The following NTN1 variants were observed in gnomAD, a reference collection of about 807,000 sequenced individuals.
NTN1 encodes the protein netrin-1.
NTN1 carries 11 observed loss-of-function variants against 54.2 expected under a neutral mutation model. That is an observed-to-expected ratio of 0.20 (90% CI 0.13 to 0.34). The LOEUF is 0.34. NTN1 is among the 10% of genes least tolerant of loss of function. The pLI, the probability that NTN1 is intolerant of heterozygous loss-of-function variation, is 1.00. For missense variants in NTN1, 740 were observed against 893.1 expected (o/e 0.83, Z 2.18); for synonymous variants, 371 against 382.0 (o/e 0.97, Z 0.33).
intron 2 of NTN1, among the ~76,000 whole-genome samples, chr17:9,063,094 A>C (rs1597474474): frequency 6.8e-6 from 1 of 147,690 alleles, no homozygotes; most frequent in South Asian, 2.1e-4. Context: ...AGGTATTATC[A>C]TTAATGACTT....
intron 2 of NTN1, among the ~76,000 whole-genome samples, chr17:9,104,695 T>G (rs1489943922): frequency 6.6e-6 from 1 of 152,234 alleles, no homozygotes; most frequent in Non-Finnish European, 1.5e-5. Context: ...CAAAGCTGAA[T>G]GTCCAACACC....
At chr17:9,008,315 GTTTA>G in the NTN1 span, among the ~76,000 whole-genome samples, 2 of 151,670 alleles carry the variant, frequency 1.3e-5, no homozygotes, top group Non-Finnish European at 2.9e-5. Context: ...TAATTAATTA[GTTTA>G]TTTATTTATT....
At chr17:9,089,860 G>T (rs894636621) in intron 2 of NTN1, among the ~76,000 whole-genome samples, 1 of 152,254 alleles carries the variant, frequency 6.6e-6, no homozygotes, top group East Asian at 1.9e-4. Flanking sequence ...AGTTTCTGGC[G>T]GGGACTTGTT....
At chr17:9,169,941 C>T (rs990772946) in intron 3 of NTN1, among the ~76,000 whole-genome samples, 13 of 152,224 alleles carry the variant, frequency 8.5e-5, no homozygotes. Flanking sequence ...GACTCCTGAT[C>T]ATTGAGCTCC....
chr17:9,202,970 A>G (rs139060685), intron 5 of NTN1, among the ~76,000 whole-genome samples: 4,612 of 152,150 alleles, frequency 0.03, 97 homozygotes, highest in Non-Finnish European at 0.043. Context: ...CGGCCAGGCT[A>G]GAGTGCAGTG....
rs1036655378 is a variant in NTN1 at position 9,211,620 on chromosome 17, C to G, written c.1412-9548C>G. Among the ~76,000 whole-genome samples the G allele has an allele frequency of 3.9e-5, 6 of 152,146 alleles. No individual in the cohort carries two copies. The highest frequency in any genetic ancestry group is 1.3e-4 in the Admixed American group (2 of 15,276). ...GCGTTGGAGTATGCATGTGTATGTT[C>G]TCAGGGTTTTGACACTCAATGCCAG... is the stretch of plus-strand genomic sequence containing the variant. On this transcript the variant is annotated intron_variant, in intron 5 of 6. Coordinates refer to ENST00000173229, the MANE Select transcript of NTN1 (RefSeq NM_004822.3). The surrounding 1 kb of genome is among the most constrained non-coding windows in gnomAD (Gnocchi z 4.4).
intron 5 of NTN1, among the ~76,000 whole-genome samples, chr17:9,203,012 TC>T (rs1904849365): frequency 1.3e-5 from 2 of 152,254 alleles, no homozygotes; most frequent in African/African-American, 4.8e-5. Context: ...AGCTCCGCCT[TC>T]CGGGTTCACA....
chr17:9,054,970 A>G (rs915328424), intron 2 of NTN1, among the ~76,000 whole-genome samples: 1 of 152,200 alleles, frequency 6.6e-6, no homozygotes, highest in Non-Finnish European at 1.5e-5. Context: ...TAAAAGTTTT[A>G]TCTGCGTTAT....
chr17:9,083,298 G>C (rs2092078212), intron 2 of NTN1, among the ~76,000 whole-genome samples: 1 of 152,198 alleles, frequency 6.6e-6, no homozygotes, highest in African/African-American at 2.4e-5. Flanking sequence ...GTTTCACCAT[G>C]TTGGCCAGGC....
intron 2 of NTN1, among the ~76,000 whole-genome samples, chr17:9,150,706 G>T (rs1348380503): frequency 6.6e-6 from 1 of 152,176 alleles, no homozygotes. Context: ...TGTTCGTTAG[G>T]AGGGGATTGT....
At chr17:9,004,445 G>T in the NTN1 span, among the ~76,000 whole-genome samples, 1 of 152,358 alleles carries the variant, frequency 6.6e-6, no homozygotes, top group South Asian at 2.1e-4. Context: ...GGTCCGCCTG[G>T]GGACATCTGC....
rs771871539 is a variant in NTN1, at chr17:9,022,772, G to T, written c.399G>T (p.Thr133=). 5.0e-6 allele frequency: 8 copies of T among 1,610,122 alleles called. No individual in the cohort carries two copies. Among genetic ancestry groups the T allele is most frequent in the East Asian group, 4.5e-5 (2 of 44,586 alleles). ...ENYLQFPHNV[T]LTLSLGKKFE... ...ACCTGCAGTTCCCGCACAACGTCAC[G>T]CTCACACTGTCCCTCGGCAAGAAGT... Residue 133 remains threonine (T), a synonymous_variant, in exon 2 of 7, where the codon ACG becomes ACT. Transcript: ENST00000173229.
In NTN1 at chr17:9,055,928, G is replaced by A. The variant is rs370327305; in HGVS notation, c.1018+32537G>A. 2.7e-5 allele frequency among the ~76,000 whole-genome samples: 4 copies of A among 149,654 alleles called. 1 individual carries two copies. Among genetic ancestry groups the A allele is most frequent in the African/African-American group, 4.9e-5 (2 of 40,494 alleles). Reference sequence around the variant, plus strand: ...TTTTTTGTTTTTGAGACCGAGTTTCGCTCTTGTTGCCCAGGCTGGAGTGCA... The same window carrying A: ...TTTTTTGTTTTTGAGACCGAGTTTCACTCTTGTTGCCCAGGCTGGAGTGCA... On this transcript the variant is annotated intron_variant, in intron 2 of 6. Coordinates refer to ENST00000173229, the MANE Select transcript of NTN1 (RefSeq NM_004822.3).
chr17:9,112,189 C>T (rs1212166783), intron 2 of NTN1, among the ~76,000 whole-genome samples: 4 of 152,206 alleles, frequency 2.6e-5, no homozygotes, highest in African/African-American at 7.2e-5. Context: ...CCAGTGGGGC[C>T]AAGGACAGGA....
intron 2 of NTN1, among the ~76,000 whole-genome samples, chr17:9,028,097 C>T (rs1011599129): frequency 1.3e-5 from 2 of 151,960 alleles, no homozygotes; most frequent in Non-Finnish European, 2.9e-5. Context: ...TGTACTCCAG[C>T]CCTAGTGACA....
At chr17:9,038,391 C>T (rs1375921399) in intron 2 of NTN1, among the ~76,000 whole-genome samples, 1 of 152,108 alleles carries the variant, frequency 6.6e-6, no homozygotes. Context: ...TTTTCCCCTC[C>T]TCCCATTTGT....
intron 5 of NTN1, among the ~76,000 whole-genome samples, chr17:9,198,860 G>A (rs963365192): frequency 2.0e-5 from 3 of 152,152 alleles, no homozygotes; most frequent in Non-Finnish European, 4.4e-5. Flanking sequence ...AGCTCTGACA[G>A]ACAAAGGACT....
intron 2 of NTN1, among the ~76,000 whole-genome samples, chr17:9,089,606 C>T (rs1202431652): frequency 6.6e-6 from 1 of 152,104 alleles, no homozygotes; most frequent in Non-Finnish European, 1.5e-5. Flanking sequence ...TGGGTGGAAC[C>T]TAAATGTTCA....
chr17:9,057,147 G>A (rs993032423), intron 2 of NTN1, among the ~76,000 whole-genome samples: 9 of 103,288 alleles, frequency 8.7e-5, no homozygotes, highest in African/African-American at 1.5e-4. Context: ...CCCTCACCCC[G>A]CAGAGCCCTG....
Sources: allele counts gnomAD v4.1 joint callset (sites outside exome capture counted in the v4.1 genomes callset), GRCh38; gene constraint gnomAD v4.1.1; non-coding constraint Gnocchi (gnomAD v3.1); transcripts MANE v1.5; gene names NCBI Gene and HGNC (gene_info 2026-07-23, HGNC 2026-07-21).